AGAP1: variants seen among roughly 807,000 people sequenced by gnomAD.
AGAP1 encodes the protein ArfGAP with GTPase domain, ankyrin repeat and PH domain 1, also known as arf-GAP with GTPase, ANK repeat and PH domain-containing protein 1.
In AGAP1, 29 loss-of-function variants were observed where a neutral mutation model predicts 105.3. The ratio of observed to expected loss-of-function variants is 0.28; its 90% confidence interval spans 0.21 to 0.38. AGAP1 has a LOEUF of 0.38. Among genes scored for constraint, AGAP1 ranks in the 10% least tolerant of loss-of-function variants. The pLI, the probability that AGAP1 is intolerant of heterozygous loss-of-function variation, is 1.00. For synonymous variants in AGAP1, 509 were observed against 485.9 expected (o/e 1.05, Z -0.63); for missense variants, 998 against 1,165.1 (o/e 0.86, Z 2.09).
rs555752113 is a variant in AGAP1 at position 235,700,945 on chromosome 2, AATAT to A, written c.164-8227_164-8224del. ...GTATTACACATGCTAGCATATTTGT[AATAT>A]ATATATTATGTATTATGTATATATT... On this transcript the variant is annotated intron_variant, in intron 1 of 17. Coordinates refer to ENST00000304032, the MANE Select transcript of AGAP1 (RefSeq NM_001037131.3). This position sits in a 1 kb window ranked among gnomAD's most constrained non-coding sequence, Gnocchi z 6.1. Among the ~76,000 whole-genome samples, 1 of 147,344 alleles carries A rather than the reference AATAT, an allele frequency of 6.8e-6. No individual in the cohort carries two copies.
chr2:235,566,494 A>G lies in AGAP1; in HGVS notation c.163+71645A>G, dbSNP rs1944350976. ...TTTGTTTTTTTATTTCCAGATAAGC[A>G]TTCATAAACAGTGAAAAGCACAAAT... On this transcript the variant is annotated intron_variant, in intron 1 of 17. Coordinates refer to ENST00000304032, the MANE Select transcript of AGAP1 (RefSeq NM_001037131.3). The surrounding 1 kb of genome is among the most constrained non-coding windows in gnomAD (Gnocchi z 5.2). The G allele has an allele frequency of 6.3e-6, 5 of 792,772 alleles. No individual in the cohort carries two copies. Among genetic ancestry groups the G allele is most frequent in the Non-Finnish European group, 7.6e-6 (5 of 654,400 alleles). The allele number at this position is 792,772 out of a possible 1,614,324, so 49.1% of individuals were successfully genotyped here.
intron 9 of AGAP1, among the ~76,000 whole-genome samples, chr2:235,878,948 T>C (rs972664041): frequency 6.6e-5 from 10 of 152,136 alleles, no homozygotes; most frequent in African/African-American, 1.7e-4. Context: ...AAGGGGGAGC[T>C]GAAGTTCAAG....
At chr2:235,567,259 T>A (rs1302913413) in intron 1 of AGAP1, among the ~76,000 whole-genome samples, 1 of 152,230 alleles carries the variant, frequency 6.6e-6, no homozygotes, top group Non-Finnish European at 1.5e-5. Flanking sequence ...TGGTTTCAGC[T>A]GGAAGGATGT....
rs115734209 is a variant in AGAP1 at position 235,732,104 on chromosome 2, G to A, written c.311-8859G>A. Among the ~76,000 whole-genome samples the A allele has an allele frequency of 6.8e-3, 1,033 of 152,186 alleles. 9 individuals carry two copies. Among genetic ancestry groups the A allele is most frequent in the African/African-American group, 0.023 (975 of 41,530 alleles). On this transcript the variant is annotated intron_variant, in intron 3 of 17. Transcript: ENST00000304032. This position sits in a 1 kb window ranked among gnomAD's most constrained non-coding sequence, Gnocchi z 4.8. ...TGTATCGCGTGCACTTTTGATCTGC[G>A]GATTCAGATCTTTCTGCGTCTCAGG...
chr2:235,681,082 C>A (rs1296219857), intron 1 of AGAP1, among the ~76,000 whole-genome samples: 1 of 152,126 alleles, frequency 6.6e-6, no homozygotes. Context: ...CATCTCGGCT[C>A]ACTGCAAGCT....
chr2:235,998,868 T>TTGGTGGTGG (rs760942733), intron 13 of AGAP1, among the ~76,000 whole-genome samples: 2 of 144,558 alleles, frequency 1.4e-5, no homozygotes, highest in African/African-American at 2.6e-5. Flanking sequence ...ATGGTGAGAG[T>TTGGTGGTGG]TGGTGGTGGT....
intron 9 of AGAP1, among the ~76,000 whole-genome samples, chr2:235,878,648 A>C (rs1046823245): frequency 2.0e-5 from 3 of 152,174 alleles, no homozygotes; most frequent in Admixed American, 6.5e-5. Context: ...CTCTGGAGCC[A>C]TGTGCACTCT....
In AGAP1 at chr2:235,609,121, T is replaced by C. The variant is rs924730182; in HGVS notation, c.164-100058T>C. 1.3e-5 allele frequency among the ~76,000 whole-genome samples: 2 copies of C among 152,216 alleles called. No homozygotes were observed. The highest frequency in any genetic ancestry group is 4.8e-5 in the African/African-American group (2 of 41,460). On this transcript the variant is annotated intron_variant, in intron 1 of 17. Coordinates refer to ENST00000304032, the MANE Select transcript of AGAP1 (RefSeq NM_001037131.3). This position sits in a 1 kb window ranked among gnomAD's most constrained non-coding sequence, Gnocchi z 5.1. ...ATCACAGGGGGCTGATGAATTTGTT[T>C]CCTTCTTGCCTTATTTTTGGCAGTT... is the stretch of plus-strand genomic sequence containing the variant.
chr2:236,112,063 G>A (rs1006361491), intron 16 of AGAP1, among the ~76,000 whole-genome samples: 2 of 152,164 alleles, frequency 1.3e-5, no homozygotes, highest in African/African-American at 4.8e-5. Flanking sequence ...AGAGCCCGGT[G>A]CAGCCTGCAT....
intron 1 of AGAP1, among the ~76,000 whole-genome samples, chr2:235,658,617 C>T (rs2149335315): frequency 6.6e-6 from 1 of 152,196 alleles, no homozygotes; most frequent in African/African-American, 2.4e-5. Context: ...AAAGAGAGAC[C>T]TGGGCAGTGG....
At chr2:235,852,111 A>G (rs1559563113) in intron 9 of AGAP1, among the ~76,000 whole-genome samples, 1 of 152,186 alleles carries the variant, frequency 6.6e-6, no homozygotes, top group Non-Finnish European at 1.5e-5. Flanking sequence ...TAGGGGGGAA[A>G]TGGAAATGTA....
In AGAP1 at chr2:235,867,507, C is replaced by T. The variant is rs1469628405; in HGVS notation, c.1051-15838C>T. Among the ~76,000 whole-genome samples the T allele has an allele frequency of 1.3e-5, 2 of 150,106 alleles. No homozygotes were observed. Among genetic ancestry groups the T allele is most frequent in the Non-Finnish European group, 2.9e-5 (2 of 67,838 alleles). ...GTTAGGCGGGAAGGCTCTGGCCCCT[C>T]GGGATCATACACCTTATGCTGGTGC... On this transcript the variant is annotated intron_variant, in intron 9 of 17. Transcript: ENST00000304032. This position sits in a 1 kb window ranked among gnomAD's most constrained non-coding sequence, Gnocchi z 5.4.
intron 6 of AGAP1, among the ~76,000 whole-genome samples, chr2:235,770,268 G>A (rs1303148154): frequency 6.7e-6 from 1 of 148,474 alleles, no homozygotes; most frequent in Admixed American, 7.1e-5. Flanking sequence ...CAGTAGCTGG[G>A]ACTACAGACG....
Position 235,555,353 on chromosome 2 carries a change from C to A in AGAP1, c.163+60504C>A, listed in dbSNP as rs556660064. Among the ~76,000 whole-genome samples the A allele has an allele frequency of 6.6e-6, 1 of 152,286 alleles. No individual in the cohort carries two copies. Among genetic ancestry groups the A allele is most frequent in the South Asian group, 2.1e-4 (1 of 4,826 alleles). Reference sequence around the variant, plus strand: ...CCCCAGTCCAGTCTGCAAAGCCTGGCCACTTGCACAGGAAGATGCTCATAG... The same window carrying A: ...CCCCAGTCCAGTCTGCAAAGCCTGGACACTTGCACAGGAAGATGCTCATAG... On this transcript the variant is annotated intron_variant, in intron 1 of 17. Transcript: ENST00000304032. The surrounding 1 kb of genome is among the most constrained non-coding windows in gnomAD (Gnocchi z 5.1).
At chr2:235,522,453 ATGG>A (rs1942658992) in intron 1 of AGAP1, among the ~76,000 whole-genome samples, 1 of 152,052 alleles carries the variant, frequency 6.6e-6, no homozygotes, top group South Asian at 2.1e-4. Context: ...AGGAGGCGTG[ATGG>A]TGGTGATGGT....
rs144633491 is a variant in AGAP1, at chr2:235,811,302, A to G, written c.1050+3971A>G. On this transcript the variant is annotated intron_variant, in intron 9 of 17. Coordinates refer to ENST00000304032, the MANE Select transcript of AGAP1 (RefSeq NM_001037131.3). ...ATGTCCAGGCTGCATAAACCGTTCA[A>G]GACTTGCCTTGTACTTGGTAGCGTA... 8.5e-4 allele frequency among the ~76,000 whole-genome samples: 129 copies of G among 152,362 alleles called. 1 individual carries two copies. The highest frequency in any genetic ancestry group is 3.0e-3 in the African/African-American group (125 of 41,574).
chr2:235,598,199 G>A (rs937526487), intron 1 of AGAP1, among the ~76,000 whole-genome samples: 1 of 151,964 alleles, frequency 6.6e-6, no homozygotes, highest in Non-Finnish European at 1.5e-5. Flanking sequence ...CAGCATCCCA[G>A]TCTGAGTGAG....
chr2:235,902,979 A>G (rs1174483083), intron 10 of AGAP1, among the ~76,000 whole-genome samples: 1 of 152,190 alleles, frequency 6.6e-6, no homozygotes, highest in Non-Finnish European at 1.5e-5. Flanking sequence ...TGACTAGTAC[A>G]GTTTGGGGCT....
At chr2:235,849,167 G>T (rs920048799) in intron 9 of AGAP1, among the ~76,000 whole-genome samples, 1 of 152,220 alleles carries the variant, frequency 6.6e-6, no homozygotes, top group Admixed American at 6.5e-5. Flanking sequence ...AGCAGCAAGA[G>T]AATTTAATGA....
Sources: allele counts gnomAD v4.1 joint callset (sites outside exome capture counted in the v4.1 genomes callset), GRCh38; gene constraint gnomAD v4.1.1; non-coding constraint Gnocchi (gnomAD v3.1); transcripts MANE v1.5; gene names NCBI Gene and HGNC (gene_info 2026-07-23, HGNC 2026-07-21).